LRP1B: variants seen among roughly 807,000 people sequenced by gnomAD.
The protein encoded by LRP1B is LDL receptor related protein 1B.
In LRP1B, 217 loss-of-function variants were observed where a neutral mutation model predicts 556.6. The ratio of observed to expected loss-of-function variants is 0.39; its 90% CI spans 0.35 to 0.44. The LOEUF is 0.44. Among genes scored for constraint, LRP1B ranks in the 20% least tolerant of loss-of-function variants. LRP1B has a pLI of 1.00. For synonymous variants in LRP1B, 2,047 were observed against 1,865.8 expected (o/e 1.10, Z -2.50); for missense variants, 5,053 against 5,620.8 (o/e 0.90, Z 3.23).
chr2:141,196,722 A>G (rs1357433330), intron 6 of LRP1B, among the ~76,000 whole-genome samples: 1 of 152,008 alleles, frequency 6.6e-6, no homozygotes, highest in Non-Finnish European at 1.5e-5. Flanking sequence ...TCAGTTTTTT[A>G]TTGTTGCTGT....
At chr2:140,742,003 A>C (rs1227223445) in intron 35 of LRP1B, among the ~76,000 whole-genome samples, 1 of 152,174 alleles carries the variant, frequency 6.6e-6, no homozygotes, top group Non-Finnish European at 1.5e-5. Context: ...ATCTTACTTA[A>C]TCCGTTCATG....
chr2:140,475,753 T>A (rs913131896), intron 59 of LRP1B, among the ~76,000 whole-genome samples: 8 of 151,946 alleles, frequency 5.3e-5, no homozygotes, highest in African/African-American at 1.7e-4. Context: ...GAGGTGCACA[T>A]TTTATTTCCT....
intron 1 of LRP1B, among the ~76,000 whole-genome samples, chr2:142,116,234 C>T (rs13012030): frequency 0.038 from 5,676 of 148,562 alleles, 184 homozygotes; most frequent in Non-Finnish European, 0.062. Context: ...AAGATATCAC[C>T]TCACTCAATT....
chr2:141,916,176 G>T (rs111801720), intron 1 of LRP1B, among the ~76,000 whole-genome samples: 3 of 152,034 alleles, frequency 2.0e-5, no homozygotes, highest in Admixed American at 6.6e-5. Flanking sequence ...ATCAATCTGG[G>T]TGCTGATGGC....
chr2:141,211,268 A>G (rs76421918), intron 6 of LRP1B, among the ~76,000 whole-genome samples: 10,032 of 151,128 alleles, frequency 0.066, 439 homozygotes, highest in East Asian at 0.15. Flanking sequence ...GATTATAAGC[A>G]TGAGACACCA....
chr2:141,861,244 A>G (rs1163825350), intron 1 of LRP1B, among the ~76,000 whole-genome samples: 1 of 152,006 alleles, frequency 6.6e-6, no homozygotes, highest in Non-Finnish European at 1.5e-5. Context: ...TGTCCCCTCA[A>G]TCCTCTCTTC....
chr2:141,607,311 TAA>T (rs1351473397), intron 2 of LRP1B, among the ~76,000 whole-genome samples: 2 of 152,202 alleles, frequency 1.3e-5, no homozygotes, highest in Non-Finnish European at 2.9e-5. Context: ...TTCACTTTGG[TAA>T]AAGCTATTTG....
At chr2:140,999,772 G>A (rs1254894014) in intron 15 of LRP1B, among the ~76,000 whole-genome samples, 1 of 151,962 alleles carries the variant, frequency 6.6e-6, no homozygotes, top group Admixed American at 6.6e-5. Context: ...GGCAATTAGG[G>A]CAAAGAAGAA....
intron 3 of LRP1B, among the ~76,000 whole-genome samples, chr2:141,275,927 CAT>C (rs960941257): frequency 6.6e-6 from 1 of 150,878 alleles, no homozygotes; most frequent in African/African-American, 2.4e-5. Flanking sequence ...TATATATACA[CAT>C]ACACATATAT....
chr2:141,031,923 C>CA (rs374189734), intron 11 of LRP1B, among the ~76,000 whole-genome samples: 2,363 of 145,234 alleles, frequency 0.016, 62 homozygotes, highest in African/African-American at 0.054. Flanking sequence ...CTAGATGCAC[C>CA]AAAAAAAAAA....
At chr2:140,329,248 T>A (rs184667876) in intron 79 of LRP1B, among the ~76,000 whole-genome samples, 1 of 151,948 alleles carries the variant, frequency 6.6e-6, no homozygotes. Context: ...TCCTCATACC[T>A]CAAAATAATA....
intron 1 of LRP1B, among the ~76,000 whole-genome samples, chr2:141,985,809 A>T (rs1053512554): frequency 6.6e-6 from 1 of 151,960 alleles, no homozygotes; most frequent in African/African-American, 2.4e-5. Flanking sequence ...TACAGAACAT[A>T]TTATTCTGTA....
At chr2:141,952,185 CT>C (rs35371519) in intron 1 of LRP1B, among the ~76,000 whole-genome samples, 45 of 151,602 alleles carry the variant, frequency 3.0e-4, no homozygotes, top group South Asian at 4.2e-4. Context: ...TGAATTCATC[CT>C]TTTTTTATGG....
At chr2:141,416,113 C>T (rs1485485458) in intron 3 of LRP1B, among the ~76,000 whole-genome samples, 1 of 152,090 alleles carries the variant, frequency 6.6e-6, no homozygotes, top group Non-Finnish European at 1.5e-5. Flanking sequence ...TGGCAATTAT[C>T]CAATCCATTT....
intron 12 of LRP1B, among the ~76,000 whole-genome samples, chr2:141,016,825 C>A (rs1697913364): frequency 6.6e-6 from 1 of 152,044 alleles, no homozygotes; most frequent in Non-Finnish European, 1.5e-5. Context: ...CTTTGCTAAG[C>A]TGCTGACCCT....
At chr2:141,212,965 A>G (rs1450920489) in intron 6 of LRP1B, among the ~76,000 whole-genome samples, 1 of 151,928 alleles carries the variant, frequency 6.6e-6, no homozygotes, top group Non-Finnish European at 1.5e-5. Flanking sequence ...GACCCAAAAC[A>G]CTTCTATTCT....
intron 23 of LRP1B, among the ~76,000 whole-genome samples, chr2:140,900,405 C>T (rs1559183059): frequency 6.6e-6 from 1 of 152,138 alleles, no homozygotes; most frequent in Non-Finnish European, 1.5e-5. Flanking sequence ...ATTACCATTA[C>T]AACAAATTGC....
At chr2:140,486,710 A>C (rs2105365192) in intron 58 of LRP1B, among the ~76,000 whole-genome samples, 1 of 152,024 alleles carries the variant, frequency 6.6e-6, no homozygotes, top group East Asian at 1.9e-4. Flanking sequence ...TAAAAACAAA[A>C]ATCTCATCGG....
At chr2:141,525,010 C>T (rs562769373) in intron 2 of LRP1B, among the ~76,000 whole-genome samples, 3 of 152,186 alleles carry the variant, frequency 2.0e-5, no homozygotes, top group East Asian at 3.9e-4. Flanking sequence ...GCCTGAAACA[C>T]CTTCTTGCTT....
Sources: allele counts gnomAD v4.1 joint callset (sites outside exome capture counted in the v4.1 genomes callset), GRCh38; gene constraint gnomAD v4.1.1; transcripts MANE v1.5; gene names NCBI Gene and HGNC (gene_info 2026-07-23, HGNC 2026-07-21).